Variants in FANCD2 observed in about 807,000 individuals in gnomAD.
The protein encoded by FANCD2 is FA complementation group D2.
FANCD2 carries 131 observed loss-of-function variants against 192.3 expected under a neutral mutation model. The observed-to-expected ratio is 0.68, with a 90% CI of 0.59 to 0.79. The LOEUF (loss-of-function observed/expected upper bound fraction) is 0.79. FANCD2 is among the 30% of genes least tolerant of loss of function. The pLI, the probability that FANCD2 is intolerant of heterozygous loss-of-function variation, is 0.00. For synonymous variants in FANCD2, 524 were observed against 612.5 expected, an observed-to-expected ratio of 0.86 and a Z score of 2.13; for missense variants, 1,508 against 1,701.6, an observed-to-expected ratio of 0.89 and a Z score of 2.00.
At chr3:10,049,189 A>G (rs1052121843) in intron 16 of FANCD2, among the ~76,000 whole-genome samples, 185 bp from the exon 17 acceptor site, 2 of 150,746 alleles carry the variant, frequency 1.3e-5, no homozygotes, top group South Asian at 2.1e-4. Flanking sequence ...GGGATGGTCA[A>G]GTTACACTGG....
chr3:10,061,746 G>A (rs2087573592), intron 19 of FANCD2, among the ~76,000 whole-genome samples: 1 of 152,044 alleles, frequency 6.6e-6, no homozygotes, highest in Admixed American at 6.6e-5. Context: ...ATTTTGTATG[G>A]ACAAAATAAA....
rs755389495 is a variant in FANCD2, at chr3:10,088,834, C to T, written c.3567C>T (p.Tyr1189=). 1 of 1,613,938 alleles carries T rather than the reference C, an allele frequency of 6.2e-7. No homozygotes were observed. Among genetic ancestry groups the T allele is most frequent in the African/African-American group, 1.3e-5 (1 of 74,926 alleles). ...TATTTGACTCTCAATGCAGTATCTACCTGGAGCACACAGAGAGCATTCTGA... is the reference window on the plus strand; with the variant it reads ...TATTTGACTCTCAATGCAGTATCTATCTGGAGCACACAGAGAGCATTCTGA... ...NDQLHALLCI[Y]LEHTESILKA... is the part of the protein sequence containing the mutation. Residue 1189 remains tyrosine (Y), a synonymous_variant, in exon 36 of 44, where the codon TAC becomes TAT. Coordinates refer to ENST00000675286, the MANE Select transcript of FANCD2 (RefSeq NM_001018115.3).
At position 10,034,773 on chromosome 3, in the gene FANCD2, G is replaced by A; in HGVS notation, c.352G>A (p.Glu118Lys). ...DSFRNCLLSC[E>K]RLQDEEASMG... The stretch of plus-strand genomic sequence containing the variant: ...TTTCAGGAACTGCCTTTTGTCTTGT[G>A]AGCGTCTGCAGGATGAGGAAGCCAG... The change falls in exon 5 of 44, where the codon GAG becomes AAG. Residue 118 changes from glutamate (E) to lysine (K), a missense_variant. Coordinates refer to ENST00000675286, the MANE Select transcript of FANCD2 (RefSeq NM_001018115.3). The A allele has an allele frequency of 1.3e-6, 2 of 1,561,530 alleles. No homozygotes were observed. The highest frequency in any genetic ancestry group is 1.7e-6 in the Non-Finnish European group (2 of 1,152,290).
Position 10,048,018 on chromosome 3 carries a change from T to A in FANCD2, c.1380T>A (p.Tyr460Ter). ...IISFGSLLYK[Y>*]AFKFFDTYCQ... ...CATTTGGCAGTCTCCTATACAAATA[T>A]GCATTTAAGTTTTTTGACACGTACT... Residue 460 changes from tyrosine (Y) to a stop codon, truncating the protein, a stop_gained, in exon 16 of 44, where the codon TAT becomes TAA. Coordinates refer to ENST00000675286, the MANE Select transcript of FANCD2 (RefSeq NM_001018115.3). LOFTEE classifies it high-confidence loss of function. The A allele has an allele frequency of 6.2e-7, 1 of 1,614,268 alleles. No homozygotes were observed. The highest frequency in any genetic ancestry group is 1.1e-5 in the South Asian group (1 of 91,088).
intron 10 of FANCD2, among the ~76,000 whole-genome samples, chr3:10,042,078 A>G (rs944914857): frequency 2.6e-5 from 4 of 151,986 alleles, no homozygotes; most frequent in African/African-American, 7.2e-5. Flanking sequence ...TTGTATTTTT[A>G]GTAGAGACGG....
At chr3:10,066,999 AC>A (rs1386222694) in intron 25 of FANCD2, among the ~76,000 whole-genome samples, 1 of 152,188 alleles carries the variant, frequency 6.6e-6, no homozygotes, top group Non-Finnish European at 1.5e-5. Flanking sequence ...TGCTGGGATT[AC>A]AGACATGAGC....
chr3:10,035,023 A>G, intron 5 of FANCD2, 150 bp from the exon 6 acceptor site: 1 of 723,780 alleles, frequency 1.4e-6, no homozygotes, highest in South Asian at 1.7e-5. Flanking sequence ...CTCCCTTGCA[A>G]AGAGCCATCT....
At chr3:10,040,569 A>T in intron 9 of FANCD2, 1 of 456,594 alleles carries the variant, frequency 2.2e-6, no homozygotes, top group South Asian at 1.5e-5. Flanking sequence ...CCTGCATCAG[A>T]CCGCTTGCGG....
intron 17 of FANCD2, 106 bp downstream of exon 17, chr3:10,049,611 A>G (rs2087137654): frequency 2.7e-6 from 3 of 1,101,536 alleles, no homozygotes; most frequent in Admixed American, 1.7e-5. Flanking sequence ...AAAAGTGACT[A>G]TTCTATCTAT....
At chr3:10,084,660 A>G (rs977627624) in intron 32 of FANCD2, among the ~76,000 whole-genome samples, 5 of 152,170 alleles carry the variant, frequency 3.3e-5, no homozygotes, top group African/African-American at 1.2e-4. Context: ...CATTGAAGCT[A>G]TGGTAGACCA....
intron 5 of FANCD2, 68 bp downstream of exon 5, chr3:10,034,866 G>A: frequency 8.9e-7 from 1 of 1,121,936 alleles, no homozygotes. Flanking sequence ...GGGCTGGGGA[G>A]GGAGAGCACA....
At chr3:10,045,101 T>TTTTTTTTTTTTTTTTTTC (rs397948524) in intron 14 of FANCD2, among the ~76,000 whole-genome samples, 3 of 149,176 alleles carry the variant, frequency 2.0e-5, no homozygotes, top group African/African-American at 7.7e-5. Context: ...TTTTTTTTTT[T>TTTTTTTTTTTTTTTTTTC]CCTGGAAGCA....
intron 39 of FANCD2, 58 bp downstream of exon 39, chr3:10,093,381 A>G: frequency 7.2e-7 from 1 of 1,391,066 alleles, no homozygotes; most frequent in Non-Finnish European, 1.0e-6. Context: ...CACTCTAGAG[A>G]GGACCTCAGC....
In FANCD2 at chr3:10,096,417, T is replaced by C; in HGVS notation, c.4130T>C (p.Leu1377Pro). ...TGCAGAGTCAAAGCTATGCTCACTC[T>C]CAACAATTGTAGAGAGGCTTTCTGG... is the stretch of plus-strand genomic sequence containing the variant. ...LVCRVKAMLT[L>P]NNCREAFWLG... is the part of the protein sequence containing the mutation. The change falls in exon 42 of 44, where the codon CTC (leucine) becomes CCC (proline). Residue 1377 changes from leucine (L) to proline (P), a missense_variant. Leu to Pro is a moderately conservative substitution (Grantham distance 98). Transcript: ENST00000675286. 2 of 1,614,160 alleles carry C rather than the reference T, an allele frequency of 1.2e-6. No individual in the cohort carries two copies. The highest frequency in any genetic ancestry group is 1.7e-6 in the Non-Finnish European group (2 of 1,180,006).
intron 36 of FANCD2, among the ~76,000 whole-genome samples, chr3:10,089,406 G>A (rs1694445459): frequency 6.6e-6 from 1 of 152,138 alleles, no homozygotes; most frequent in East Asian, 1.9e-4. Flanking sequence ...AATAAAGAGA[G>A]TCTGTTATGC....
At position 10,085,710 on chromosome 3, in the gene FANCD2, C is replaced by T. The variant is rs1236469981; in HGVS notation, c.3225-102C>T. ...CGACCTCTCAATTCTTTTTTCAAAC[C>T]GTTAAACTATTGATGGTACAGACTG... On this transcript the variant is annotated intron_variant, in intron 32 of 43. Coordinates refer to ENST00000675286, the MANE Select transcript of FANCD2 (RefSeq NM_001018115.3). 14 of 828,796 alleles carry T rather than the reference C, an allele frequency of 1.7e-5. 1 individual carries two copies. The Middle Eastern group carries it at 7.6e-4, about 45-fold the overall frequency. 51.3% of individuals were successfully genotyped at this position (828,796 alleles called of 1,614,324 possible). A position where few individuals can be genotyped will look rare whatever the true frequency, so the allele number is the denominator to read the frequency against.
At chr3:10,039,415 A>T (rs1162827612) in intron 8 of FANCD2, 58 bp downstream of exon 8, 1 of 1,413,338 alleles carries the variant, frequency 7.1e-7, no homozygotes. Flanking sequence ...TATCTTTTGG[A>T]GGTTGTATTT....
At chr3:10,063,653 A>G in intron 20 of FANCD2, 139 bp from the exon 21 acceptor site, 1 of 1,045,110 alleles carries the variant, frequency 9.6e-7, no homozygotes, top group Non-Finnish European at 1.5e-6. Flanking sequence ...ACGGGTCAGA[A>G]CATTCAGGAA....
chr3:10,054,562 C>T (rs1192675768), intron 18 of FANCD2, among the ~76,000 whole-genome samples: 2 of 134,810 alleles, frequency 1.5e-5, no homozygotes, highest in Admixed American at 1.6e-4. Flanking sequence ...CGGCTCCCTG[C>T]AAACTCCGCC....
Sources: allele counts gnomAD v4.1 joint callset (sites outside exome capture counted in the v4.1 genomes callset), GRCh38; gene constraint gnomAD v4.1.1; transcripts MANE v1.5; gene names NCBI Gene and HGNC (gene_info 2026-07-23, HGNC 2026-07-21).